PIN4: variants seen among roughly 807,000 people sequenced by gnomAD.
PIN4 encodes peptidylprolyl cis/trans isomerase, NIMA-interacting 4.
PIN4 carries 3 observed loss-of-function variants against 8.3 expected under a neutral mutation model. The observed-to-expected ratio is 0.36, with a 90% CI of 0.16 to 0.93. PIN4 has a LOEUF of 0.93. PIN4 is among the 40% of genes least tolerant of loss of function. The pLI is 0.44. For missense variants in PIN4, 75 were observed against 100.6 expected (o/e 0.75, Z 1.09); for synonymous variants, 18 against 32.5 (o/e 0.55, Z 1.52).
intron 3 of PIN4, among the ~76,000 whole-genome samples, chrX:72,258,632 G>A (rs1431794195): frequency 9.0e-6 from 1 of 111,255 alleles, no homozygotes. Flanking sequence ...ACCTCATGAG[G>A]GGCTCTGACA....
At chrX:72,253,850 T>A (rs1490960413) in intron 3 of PIN4, among the ~76,000 whole-genome samples, 1 of 104,898 alleles carries the variant, frequency 9.5e-6, no homozygotes, top group Non-Finnish European at 1.9e-5. Flanking sequence ...TAGTCCTAGG[T>A]AGATGGGAGG....
intron 3 of PIN4, among the ~76,000 whole-genome samples, chrX:72,223,601 C>A (rs865981711): frequency 1.6e-4 from 18 of 110,545 alleles, no homozygotes; most frequent in African/African-American, 5.9e-4. Flanking sequence ...GTTGGTCAGG[C>A]TGGTCTCAAA....
chrX:72,203,388 A>G (rs1240266515), intron 3 of PIN4, among the ~76,000 whole-genome samples: 3 of 111,889 alleles, frequency 2.7e-5, no homozygotes, highest in Non-Finnish European at 5.6e-5. Flanking sequence ...GGAACCCCTA[A>G]TTTGTAGCCA....
intron 1 of PIN4, among the ~76,000 whole-genome samples, chrX:72,183,526 AAG>A (rs1347542476): frequency 1.8e-5 from 2 of 111,390 alleles, no homozygotes; most frequent in African/African-American, 6.5e-5. Flanking sequence ...GAATGTTTTA[AAG>A]AGAGAGGGTA....
chrX:72,236,018 T>A (rs1211421271), intron 3 of PIN4, among the ~76,000 whole-genome samples: 1 of 112,217 alleles, frequency 8.9e-6, no homozygotes, highest in Non-Finnish European at 1.9e-5. Context: ...CTGAGGGGTG[T>A]GCAACAGTGA....
chrX:72,235,658 G>T (rs1188042306), intron 3 of PIN4, among the ~76,000 whole-genome samples: 1 of 111,704 alleles, frequency 9.0e-6, no homozygotes, highest in Admixed American at 9.5e-5. Context: ...CTCCCCAAGT[G>T]CTGGGATTAC....
At chrX:72,183,072 C>G (rs2042682161) in intron 1 of PIN4, among the ~76,000 whole-genome samples, 1 of 111,278 alleles carries the variant, frequency 9.0e-6, no homozygotes, top group African/African-American at 3.3e-5. Context: ...GTGAAATAGT[C>G]AAGACTTGGT....
intron 3 of PIN4, chrX:72,205,227 C>CAAAG: frequency 8.3e-7 from 1 of 1,211,775 alleles, no homozygotes; most frequent in Non-Finnish European, 1.1e-6. Context: ...GTTCACCAGA[C>CAAAG]AAAGGCTCAG....
chrX:72,243,646 A>T (rs11798909), intron 3 of PIN4, among the ~76,000 whole-genome samples: 4,200 of 112,172 alleles, frequency 0.037, 89 homozygotes, highest in Non-Finnish European at 0.06. Context: ...CTAATCTTCA[A>T]ATTACACTGA....
chrX:72,262,423 C>T (rs1356091057), intron 3 of PIN4, among the ~76,000 whole-genome samples: 5 of 112,099 alleles, frequency 4.5e-5, no homozygotes, highest in African/African-American at 1.6e-4. Flanking sequence ...AACCTTCTCA[C>T]TTCCTGTGGG....
intron 2 of PIN4, among the ~76,000 whole-genome samples, chrX:72,195,750 C>G (rs1200163386): frequency 8.9e-6 from 1 of 111,955 alleles, no homozygotes; most frequent in Non-Finnish European, 1.9e-5. Context: ...TCTTCACAAT[C>G]CTATGAGAAC....
intron 3 of PIN4, among the ~76,000 whole-genome samples, chrX:72,252,739 C>T (rs949989675): frequency 8.9e-6 from 1 of 111,847 alleles, no homozygotes; most frequent in Non-Finnish European, 1.9e-5. Flanking sequence ...GAGGGCTTCA[C>T]CTTCATGACC....
intron 1 of PIN4, among the ~76,000 whole-genome samples, chrX:72,182,947 G>A (rs774003270): frequency 6.2e-5 from 7 of 112,194 alleles, no homozygotes; most frequent in Non-Finnish European, 1.3e-4. Context: ...TTAAGGATCA[G>A]AAAGACCTGT....
chrX:72,231,447 A>G (rs1164216886), intron 3 of PIN4, among the ~76,000 whole-genome samples: 1 of 111,956 alleles, frequency 8.9e-6, no homozygotes, highest in Non-Finnish European at 1.9e-5. Flanking sequence ...AGTCAATGGT[A>G]CAAAGTTTCA....
intron 3 of PIN4, chrX:72,205,386 T>C (rs1394311960): frequency 8.2e-7 from 1 of 1,212,143 alleles, no homozygotes; most frequent in Non-Finnish European, 1.1e-6. Flanking sequence ...CCCCTTCTTC[T>C]GGATAATCTT....
At chrX:72,188,370 T>G (rs941902458) in intron 2 of PIN4, among the ~76,000 whole-genome samples, 1 of 111,931 alleles carries the variant, frequency 8.9e-6, no homozygotes, top group African/African-American at 3.2e-5. Flanking sequence ...TTTATTTTTT[T>G]TTTTGAGACG....
At chrX:72,241,297 A>T (rs2043048182) in intron 3 of PIN4, among the ~76,000 whole-genome samples, 1 of 111,273 alleles carries the variant, frequency 9.0e-6, no homozygotes, top group Admixed American at 9.6e-5. Flanking sequence ...TACTTCATGA[A>T]TAAATTAGTG....
intron 3 of PIN4, chrX:72,207,105 A>G: frequency 8.3e-7 from 1 of 1,209,981 alleles, no homozygotes; most frequent in Non-Finnish European, 1.1e-6. Flanking sequence ...AGCTAGGGTC[A>G]AAAATGACCA....
chrX:72,184,153 T>C (rs938780931), intron 1 of PIN4, among the ~76,000 whole-genome samples: 1 of 111,656 alleles, frequency 9.0e-6, no homozygotes, highest in African/African-American at 3.3e-5. Flanking sequence ...GCAGTTATGA[T>C]AGGAGGATAG....
Sources: gnomAD v4.1 joint callset for allele counts (sites outside exome capture counted in the v4.1 genomes callset) on GRCh38, gnomAD v4.1.1 for gene constraint, MANE v1.5 for transcripts, NCBI Gene and HGNC (gene_info 2026-07-23, HGNC 2026-07-21) for gene names.